The following PRUNE2 variants were observed in gnomAD, a reference collection of about 807,000 sequenced individuals.
PRUNE2 encodes protein prune homolog 2.
A neutral mutation model predicts 252.0 loss-of-function variants in PRUNE2; 164 were observed. The ratio of observed to expected loss-of-function variants is 0.65; its 90% CI spans 0.57 to 0.74. PRUNE2 has a LOEUF of 0.74. PRUNE2 is among the 30% of genes least tolerant of loss of function. The probability of loss-of-function intolerance (pLI) is 0.00; values close to 1 mark genes in which losing one functional copy is unlikely to be tolerated. For missense variants in PRUNE2, 3,495 were observed against 3,711.0 expected (o/e 0.94, Z 1.51); for synonymous variants, 1,292 against 1,350.2 (o/e 0.96, Z 0.94).
At chr9:76,750,960 T>A (rs1455941471) in intron 6 of PRUNE2, among the ~76,000 whole-genome samples, 1 of 152,182 alleles carries the variant, frequency 6.6e-6, no homozygotes, top group Non-Finnish European at 1.5e-5. Flanking sequence ...CACTGTTATT[T>A]ATTGAACCAG....
At chr9:76,759,833 C>G (rs1465088684) in intron 6 of PRUNE2, 2 of 152,488 alleles carry the variant, frequency 1.3e-5, no homozygotes, top group South Asian at 2.1e-4. Context: ...TTGGGAGTCA[C>G]AGGCACCCAG....
At chr9:76,818,251 T>C (rs1312864356) in intron 6 of PRUNE2, among the ~76,000 whole-genome samples, 1 of 152,128 alleles carries the variant, frequency 6.6e-6, no homozygotes, top group Non-Finnish European at 1.5e-5. Flanking sequence ...AGAAATCATA[T>C]TGTGTGCATA....
chr9:76,779,380 A>G (rs1456478586), intron 6 of PRUNE2, among the ~76,000 whole-genome samples: 3 of 152,204 alleles, frequency 2.0e-5, no homozygotes, highest in African/African-American at 7.2e-5. Context: ...GTTTCCTTCC[A>G]AAGCCAACGT....
Position 76,850,525 on chromosome 9 carries a change from C to A in PRUNE2, c.282G>T (p.Leu94=). The change falls in exon 3 of 19, where the codon CTG becomes CTT. Residue 94 remains leucine, a synonymous_variant. Transcript: ENST00000376718. ...ACTTCCCTTCATCATTTAGCTGATG[C>A]AGGTTAATTTCATCCCGGAATATGT... ...SFHIFRDEIN[L]HQLNDEGKLS... The A allele has an allele frequency of 6.2e-7, 1 of 1,613,888 alleles. No individual in the cohort carries two copies. Among genetic ancestry groups the A allele is most frequent in the Non-Finnish European group, 8.5e-7 (1 of 1,179,770 alleles).
chr9:76,875,762 G>A (rs1425676699), intron 1 of PRUNE2, among the ~76,000 whole-genome samples: 1 of 152,300 alleles, frequency 6.6e-6, no homozygotes, highest in Non-Finnish European at 1.5e-5. Context: ...AGAATGAATA[G>A]GGAATGTGGG....
At chr9:76,653,873 C>T (rs192339611) in intron 10 of PRUNE2, among the ~76,000 whole-genome samples, 3 of 152,228 alleles carry the variant, frequency 2.0e-5, no homozygotes, top group Admixed American at 1.3e-4. Context: ...TGCATCTTCC[C>T]GCTCAGCTGC....
chr9:76,703,419 G>C lies in PRUNE2; in HGVS notation c.8194C>G (p.Gln2732Glu), dbSNP rs1483236833. 6.2e-7 allele frequency: 1 copy of C among 1,613,650 alleles called. No individual in the cohort carries two copies. The change falls in exon 9 of 19, where the codon CAG becomes GAG. Residue 2732 changes from glutamine (Q) to glutamate (E), a missense_variant. Transcript: ENST00000376718. Reference protein sequence around the residue: ...EWEMLSPQPVQKNMIPDTEME... With the variant: ...EWEMLSPQPVEKNMIPDTEME... The stretch of plus-strand genomic sequence containing the variant: ...TCCGTGTCAGGGATCATGTTTTTCT[G>C]AACAGGCTGTGGTGAAAGCATTTCC...
Position 76,837,441 on chromosome 9 carries a change from A to AAATATAAT in PRUNE2, c.508+9073_508+9074insATTATATT, listed in dbSNP as rs147526426. Among the ~76,000 whole-genome samples the AAATATAAT allele has an allele frequency of 2.2e-5, 3 of 134,826 alleles. No homozygotes were observed. In the East Asian group the frequency reaches 7.3e-4, roughly 33 times the overall value. 88.5% of individuals were successfully genotyped at this position (134,826 alleles called of 152,430 possible). ...TGGCGACACAGTGAGACTCTGTCTC[A>AAATATAAT]AATAATAATAATAATAATAATAATA... On this transcript the variant is annotated intron_variant, in intron 4 of 18. Coordinates refer to ENST00000376718, the MANE Select transcript of PRUNE2 (RefSeq NM_015225.3).
At chr9:76,619,701 T>C (rs966812057) in intron 17 of PRUNE2, among the ~76,000 whole-genome samples, 1 of 152,246 alleles carries the variant, frequency 6.6e-6, no homozygotes, top group East Asian at 1.9e-4. Flanking sequence ...AAAATTGTTT[T>C]GGTACCCCAA....
chr9:76,869,726 T>G (rs750167285), intron 1 of PRUNE2, among the ~76,000 whole-genome samples: 2 of 152,188 alleles, frequency 1.3e-5, no homozygotes, highest in African/African-American at 2.4e-5. Context: ...GAACAAGCTC[T>G]CCCAAAGGAA....
intron 6 of PRUNE2, among the ~76,000 whole-genome samples, chr9:76,761,887 C>A (rs989723326): frequency 6.6e-6 from 1 of 152,114 alleles, no homozygotes; most frequent in African/African-American, 2.4e-5. Flanking sequence ...GTTATAGGTA[C>A]AATTTTTAAA....
rs769071177 is a variant in PRUNE2, at chr9:76,846,554, G to C, written c.469C>G (p.Pro157Ala). 1 of 1,614,104 alleles carries C rather than the reference G, an allele frequency of 6.2e-7. No individual in the cohort carries two copies. The highest frequency in any genetic ancestry group is 8.5e-7 in the Non-Finnish European group (1 of 1,179,974). ...GCCAGTTGCTCGGTGATGAGCTCAG[G>C]AGCCTCTTGGAGAATCTCCTTTAGC... ...LVLKEILQEA[P>A]ELITEQLAHR... is the part of the protein sequence containing the mutation. Residue 157 changes from proline (P) to alanine (A), a missense_variant, in exon 4 of 19, where the codon CCT becomes GCT. Transcript: ENST00000376718.
At chr9:76,790,485 C>A (rs2055445305) in intron 6 of PRUNE2, among the ~76,000 whole-genome samples, 1 of 152,174 alleles carries the variant, frequency 6.6e-6, no homozygotes, top group African/African-American at 2.4e-5. Context: ...AATAAAACTG[C>A]TACTCTCCCT....
chr9:76,805,851 G>A (rs1037458980), intron 6 of PRUNE2, among the ~76,000 whole-genome samples: 1 of 152,180 alleles, frequency 6.6e-6, no homozygotes, highest in Non-Finnish European at 1.5e-5. Context: ...GGACTGGAAT[G>A]CCACTTTCTG....
chr9:76,816,119 G>A (rs1430053366), intron 6 of PRUNE2, among the ~76,000 whole-genome samples: 2 of 146,308 alleles, frequency 1.4e-5, no homozygotes, highest in Non-Finnish European at 3.0e-5. Flanking sequence ...CCGAGATTGT[G>A]CCACTGTACT....
chr9:76,643,570 C>T (rs543304661), intron 12 of PRUNE2, among the ~76,000 whole-genome samples: 33 of 152,142 alleles, frequency 2.2e-4, no homozygotes, highest in Non-Finnish European at 4.0e-4. Flanking sequence ...TGAAGGGCTA[C>T]GGGCATGATT....
At chr9:76,623,142 T>C (rs1833078227) in intron 17 of PRUNE2, among the ~76,000 whole-genome samples, 1 of 152,218 alleles carries the variant, frequency 6.6e-6, no homozygotes, top group African/African-American at 2.4e-5. Flanking sequence ...AAATGGGAGC[T>C]GGTTTTAAAA....
chr9:76,758,255 C>A (rs2051345897), intron 6 of PRUNE2, among the ~76,000 whole-genome samples: 1 of 152,138 alleles, frequency 6.6e-6, no homozygotes, highest in Non-Finnish European at 1.5e-5. Context: ...CTGTGTAGAA[C>A]TTAAATAAAT....
At chr9:76,693,267 T>C (rs1379634608) in intron 9 of PRUNE2, among the ~76,000 whole-genome samples, 4 of 150,612 alleles carry the variant, frequency 2.7e-5, no homozygotes, top group Admixed American at 2.6e-4. Context: ...CAATGTTACA[T>C]AATCTTTTTC....
Sources: allele counts gnomAD v4.1 joint callset (sites outside exome capture counted in the v4.1 genomes callset), GRCh38; gene constraint gnomAD v4.1.1; transcripts MANE v1.5; gene names NCBI Gene and HGNC (gene_info 2026-07-23, HGNC 2026-07-21).